Variants in TNRC6B observed in about 807,000 individuals in gnomAD.
The protein encoded by TNRC6B is trinucleotide repeat containing adaptor 6B, also known as trinucleotide repeat-containing gene 6B protein.
TNRC6B carries 52 observed loss-of-function variants against 203.6 expected under a neutral mutation model. The ratio of observed to expected loss-of-function variants is 0.26; its 90% CI spans 0.20 to 0.32. The LOEUF is 0.32. TNRC6B is among the 10% of genes least tolerant of loss of function. The pLI, the probability that TNRC6B is intolerant of heterozygous loss-of-function variation, is 1.00. For missense variants in TNRC6B, 1,923 were observed against 2,286.2 expected (o/e 0.84, Z 3.24); for synonymous variants, 838 against 845.7 (o/e 0.99, Z 0.16).
In TNRC6B at chr22:40,286,394, C is replaced by T. The variant is rs141966324; in HGVS notation, c.3708+624C>T. The stretch of plus-strand genomic sequence containing the variant: ...TGGTGGCACATGCCTGTAATCCTAG[C>T]TACTCAAGAGGCTGAGACAGTAGAA... On this transcript the variant is annotated intron_variant, in intron 12 of 22. Transcript: ENST00000454349. Among the ~76,000 whole-genome samples, 431 of 152,246 alleles carry T rather than the reference C, an allele frequency of 2.8e-3. 2 individuals carry two copies. Among genetic ancestry groups the T allele is most frequent in the African/African-American group, 1.0e-2 (415 of 41,544 alleles).
At chr22:40,211,787 A>G (rs1454534273) in intron 1 of TNRC6B, among the ~76,000 whole-genome samples, 1 of 152,122 alleles carries the variant, frequency 6.6e-6, no homozygotes. Context: ...TGTTAGGGAG[A>G]TATCTCCATT....
chr22:40,230,139 A>AT lies in TNRC6B; in HGVS notation c.6-15876_6-15875insT, dbSNP rs2069846857. Among the ~76,000 whole-genome samples the AT allele has an allele frequency of 2.6e-5, 4 of 152,304 alleles. No homozygotes were observed. The South Asian group carries it at 6.2e-4, about 24-fold the overall frequency. On this transcript the variant is annotated intron_variant, in intron 1 of 22. Transcript: ENST00000454349. ...TCTTTTTAATTTTGCACATTCTACA[A>AT]GTACATGTGTGTTGACATCTCATTG... is the stretch of plus-strand genomic sequence containing the variant.
chr22:40,137,065 A>C (rs2068606047), intron 3 of TNRC6B, among the ~76,000 whole-genome samples: 1 of 142,896 alleles, frequency 7.0e-6, no homozygotes, highest in South Asian at 2.3e-4. Context: ...CATTTAGTCA[A>C]GAAAAGTGTT....
At chr22:40,099,047 C>T (rs776738278) in intron 1 of TNRC6B, among the ~76,000 whole-genome samples, 9 of 151,968 alleles carry the variant, frequency 5.9e-5, no homozygotes, top group Non-Finnish European at 7.4e-5. Context: ...GTCAGCAGTT[C>T]GAGACCAGCC....
intron 1 of TNRC6B, among the ~76,000 whole-genome samples, chr22:40,207,418 A>AAATATAT (rs1475466762): frequency 7.8e-6 from 1 of 128,882 alleles, no homozygotes; most frequent in Non-Finnish European, 1.6e-5. Context: ...AAAAAAAAAA[A>AAATATAT]ATATATATAT....
At chr22:40,053,577 A>C (rs141491235) in intron 1 of TNRC6B, among the ~76,000 whole-genome samples, 49 of 152,342 alleles carry the variant, frequency 3.2e-4, no homozygotes, top group African/African-American at 1.1e-3. Flanking sequence ...CATTTCTGAC[A>C]TAGACTACAT....
At chr22:40,153,295 C>T (rs1286896930) in intron 3 of TNRC6B, among the ~76,000 whole-genome samples, 1 of 152,010 alleles carries the variant, frequency 6.6e-6, no homozygotes, top group Non-Finnish European at 1.5e-5. Flanking sequence ...GAAACAGATG[C>T]TCCAGCTTAG....
chr22:40,316,181 C>A (rs904656801), intron 21 of TNRC6B, among the ~76,000 whole-genome samples, 169 bp downstream of exon 21: 1 of 151,386 alleles, frequency 6.6e-6, no homozygotes, highest in African/African-American at 2.4e-5. Context: ...GGTGAAACCC[C>A]GTCTCTACTA....
intron 4 of TNRC6B, among the ~76,000 whole-genome samples, chr22:40,165,417 C>T (rs1023254369): frequency 6.6e-6 from 1 of 152,064 alleles, no homozygotes; most frequent in Non-Finnish European, 1.5e-5. Flanking sequence ...CTCAAGCAGT[C>T]CTCCCACCTC....
chr22:40,125,809 T>G, exon 3 of TNRC6B: 1 of 1,610,824 alleles, frequency 6.2e-7, no homozygotes, highest in Non-Finnish European at 8.5e-7. Context: ...TTGCACAAAA[T>G]CTGTTCCCAT....
At chr22:40,092,248 C>G (rs1197258329) in intron 1 of TNRC6B, among the ~76,000 whole-genome samples, 1 of 151,888 alleles carries the variant, frequency 6.6e-6, no homozygotes, top group Admixed American at 6.6e-5. Context: ...ACTAAAAATA[C>G]AAAAATTAGC....
intron 3 of TNRC6B, among the ~76,000 whole-genome samples, chr22:40,141,877 C>T (rs2068647336): frequency 1.3e-5 from 2 of 151,310 alleles, no homozygotes; most frequent in South Asian, 4.2e-4. Flanking sequence ...CAGGTTCACG[C>T]CATTCTCCTG....
At chr22:40,176,138 T>G (rs910670492), upstream of TNRC6B, among the ~76,000 whole-genome samples, 26 of 151,584 alleles carry the variant, frequency 1.7e-4, no homozygotes, top group African/African-American at 5.3e-4. Flanking sequence ...TTTTTTTTTT[T>G]TTTGAGATGG....
intron 1 of TNRC6B, among the ~76,000 whole-genome samples, chr22:40,091,732 C>T (rs902181549): frequency 7.3e-5 from 11 of 151,650 alleles, no homozygotes; most frequent in African/African-American, 2.7e-4. Flanking sequence ...GAGTGTTGGC[C>T]GGGAGTTAAC....
intron 1 of TNRC6B, among the ~76,000 whole-genome samples, chr22:40,230,598 G>C (rs2069856328): frequency 2.6e-5 from 4 of 151,872 alleles, no homozygotes. Context: ...GGCCTCTTTT[G>C]CCCGGTTTTA....
intron 1 of TNRC6B, among the ~76,000 whole-genome samples, chr22:40,184,628 G>A (rs971814410): frequency 6.6e-6 from 1 of 152,204 alleles, no homozygotes; most frequent in South Asian, 2.1e-4. Context: ...GACATTGCAC[G>A]TCAGACCAGA....
intron 1 of TNRC6B, among the ~76,000 whole-genome samples, chr22:40,105,941 A>AT (rs748037001): frequency 6.6e-6 from 1 of 152,252 alleles, no homozygotes; most frequent in Non-Finnish European, 1.5e-5. Flanking sequence ...ACACTTAATC[A>AT]TATCAGACTT....
intron 1 of TNRC6B, among the ~76,000 whole-genome samples, chr22:40,202,716 A>G (rs561687063): frequency 4.3e-4 from 66 of 152,206 alleles, no homozygotes; most frequent in African/African-American, 1.5e-3. Context: ...TTGAAGGTGT[A>G]TCAGAGGAGT....
At chr22:40,169,855 C>T (rs1451438695) in intron 4 of TNRC6B, among the ~76,000 whole-genome samples, 3 of 151,962 alleles carry the variant, frequency 2.0e-5, no homozygotes, top group Non-Finnish European at 4.4e-5. Flanking sequence ...TAGACATATC[C>T]CATATTAAAT....
Sources: allele counts gnomAD v4.1 joint callset (sites outside exome capture counted in the v4.1 genomes callset), GRCh38; gene constraint gnomAD v4.1.1; transcripts MANE v1.5; gene names NCBI Gene and HGNC (gene_info 2026-07-23, HGNC 2026-07-21).